BTD: variants seen among roughly 807,000 people sequenced by gnomAD.
BTD encodes biotinidase.
BTD carries 13 observed loss-of-function variants against 17.7 expected under a neutral mutation model. The ratio of observed to expected loss-of-function variants is 0.74; its 90% confidence interval spans 0.48 to 1.17. The LOEUF (loss-of-function observed/expected upper bound fraction) is 1.17. Among genes scored for constraint, BTD ranks in the 50% most tolerant of loss-of-function variants. BTD has a pLI of 0.00. For missense variants in BTD, 674 were observed against 650.4 expected (o/e 1.04, Z -0.39); for synonymous variants, 240 against 245.2 (o/e 0.98, Z 0.20).
intron 1 of BTD, among the ~76,000 whole-genome samples, chr3:15,609,882 A>AT (rs992320090): frequency 2.1e-5 from 3 of 145,550 alleles, no homozygotes; most frequent in Non-Finnish European, 4.6e-5. Flanking sequence ...GGTCTTCCTT[A>AT]TTTTTTTTTT....
intron 3 of BTD, among the ~76,000 whole-genome samples, chr3:15,675,341 T>G (rs2066823278): frequency 6.6e-6 from 1 of 151,766 alleles, no homozygotes; most frequent in Non-Finnish European, 1.5e-5. Context: ...AGCAAGAGAG[T>G]AGTTTTGCTG....
intron 3 of BTD, among the ~76,000 whole-genome samples, chr3:15,663,728 T>A (rs2065949221): frequency 6.6e-6 from 1 of 152,172 alleles, no homozygotes; most frequent in South Asian, 2.1e-4. Flanking sequence ...TGGCTAGAGT[T>A]TTACTGATGT....
intron 1 of BTD, among the ~76,000 whole-genome samples, chr3:15,620,506 A>G (rs1268295002): frequency 6.6e-6 from 1 of 152,172 alleles, no homozygotes; most frequent in African/African-American, 2.4e-5. Context: ...CTTGTTCCAT[A>G]AAAATCGCTA....
intron 4 of BTD, chr3:15,720,971 G>C: frequency 6.2e-7 from 1 of 1,613,872 alleles, no homozygotes. Context: ...AATGCTCCAT[G>C]TGTTGATGCA....
chr3:15,682,823 T>C (rs1310300489), intron 3 of BTD, among the ~76,000 whole-genome samples: 1 of 152,238 alleles, frequency 6.6e-6, no homozygotes, highest in Non-Finnish European at 1.5e-5. Context: ...TTTTAGGCTG[T>C]CTATATAGTC....
intron 3 of BTD, among the ~76,000 whole-genome samples, chr3:15,689,247 C>T (rs1324505484): frequency 6.6e-6 from 1 of 152,166 alleles, no homozygotes; most frequent in East Asian, 1.9e-4. Context: ...AGAGATAAGT[C>T]CAGGCTGTAG....
chr3:15,689,506 A>G (rs1054603996), intron 3 of BTD, among the ~76,000 whole-genome samples: 1 of 152,260 alleles, frequency 6.6e-6, no homozygotes, highest in African/African-American at 2.4e-5. Flanking sequence ...GAGAGGCCAC[A>G]GGAGGAAGGG....
intron 1 of BTD, among the ~76,000 whole-genome samples, chr3:15,617,354 A>G (rs1050396126): frequency 3.9e-5 from 6 of 152,234 alleles, no homozygotes; most frequent in Admixed American, 2.6e-4. Flanking sequence ...GTCCAACACA[A>G]GATCATCTAG....
rs556575843 is a variant in BTD at position 15,649,670 on chromosome 3, C to T, written c.*4182C>T. ...TGCTGAGCACAGTCTGGCCCCTGTACTGTTGTCTGCTTGAAATGGCGTCTT... is the reference window on the plus strand; with the variant it reads ...TGCTGAGCACAGTCTGGCCCCTGTATTGTTGTCTGCTTGAAATGGCGTCTT... On this transcript the variant is annotated 3_prime_UTR_variant, in exon 4 of 4. Coordinates refer to ENST00000643237, the MANE Select transcript of BTD (RefSeq NM_001370658.1). Among the ~76,000 whole-genome samples the T allele has an allele frequency of 1.3e-5, 2 of 151,614 alleles. No homozygotes were observed. The highest frequency in any genetic ancestry group is 3.9e-4 in the East Asian group (2 of 5,190).
At chr3:15,634,775 A>G (rs1305566877) in intron 1 of BTD, among the ~76,000 whole-genome samples, 1 of 152,222 alleles carries the variant, frequency 6.6e-6, no homozygotes, top group Non-Finnish European at 1.5e-5. Context: ...ACATGCTTTT[A>G]TTGGGATACT....
At chr3:15,663,743 A>G (rs1575042693) in intron 3 of BTD, among the ~76,000 whole-genome samples, 1 of 151,468 alleles carries the variant, frequency 6.6e-6, no homozygotes, top group Middle Eastern at 3.4e-3. Flanking sequence ...TGATGTTATT[A>G]ATCTTTAAAA....
chr3:15,653,141 G>C lies in BTD; in HGVS notation c.*7653G>C, dbSNP rs1559605734. The stretch of plus-strand genomic sequence containing the variant: ...CCAGGCAGCAGCACCAGTAGCACCT[G>C]GGAAATTGTTGGAAATGCAAATTCT... On this transcript the variant is annotated 3_prime_UTR_variant, in exon 4 of 4. Transcript: ENST00000643237. Among the ~76,000 whole-genome samples the C allele has an allele frequency of 1.3e-5, 2 of 152,198 alleles. No homozygotes were observed. The highest frequency in any genetic ancestry group is 4.8e-5 in the African/African-American group (2 of 41,446).
At chr3:15,685,075 A>G (rs1575136740) in intron 3 of BTD, 3 of 701,250 alleles carry the variant, frequency 4.3e-6, no homozygotes, top group East Asian at 5.4e-5. Flanking sequence ...GAGTGAGCCT[A>G]CGTACTAAGT....
intron 1 of BTD, among the ~76,000 whole-genome samples, chr3:15,632,106 G>A (rs1350313841): frequency 2.6e-5 from 4 of 152,006 alleles, no homozygotes; most frequent in Admixed American, 6.6e-5. Flanking sequence ...GCAGACCCAC[G>A]TGATTTCCTC....
chr3:15,661,565 C>CT (rs2065925718), intron 3 of BTD, among the ~76,000 whole-genome samples: 1 of 152,078 alleles, frequency 6.6e-6, no homozygotes, highest in Non-Finnish European at 1.5e-5. Flanking sequence ...CTTTATCCGT[C>CT]TTTTGCAATT....
chr3:15,631,330 G>T (rs1222854749), intron 1 of BTD: 5 of 810,306 alleles, frequency 6.2e-6, no homozygotes, highest in East Asian at 2.8e-5. Context: ...TTATTAAAAA[G>T]ATGTTTTATT....
At chr3:15,619,106 A>T (rs532568389) in intron 1 of BTD, among the ~76,000 whole-genome samples, 1 of 152,298 alleles carries the variant, frequency 6.6e-6, no homozygotes, top group East Asian at 1.9e-4. Context: ...GTGAGAAGGG[A>T]CATCATTACC....
At chr3:15,638,759 G>A (rs532047845) in intron 2 of BTD, among the ~76,000 whole-genome samples, 48 of 152,256 alleles carry the variant, frequency 3.2e-4, no homozygotes, top group Admixed American at 1.4e-3. Flanking sequence ...TACATGGTAC[G>A]GCCTACTATG....
rs565011248 is a variant in BTD, at chr3:15,645,598, C to G, written c.*110C>G. On this transcript the variant is annotated 3_prime_UTR_variant, in exon 4 of 4. Transcript: ENST00000643237. ...TTTCTGCCTTAAGGGCAGGAGCCCA[C>G]TTCTGTGGCACCAGATTCCACCCTG... The G allele has an allele frequency of 3.6e-5, 46 of 1,277,668 alleles. No individual in the cohort carries two copies. In the African/African-American group the frequency reaches 4.0e-4, roughly 11 times the overall value. The allele number at this position is 1,277,668 out of a possible 1,614,324, so 79.1% of individuals were successfully genotyped here.
Sources: gnomAD v4.1 joint callset for allele counts (sites outside exome capture counted in the v4.1 genomes callset) on GRCh38, gnomAD v4.1.1 for gene constraint, MANE v1.5 for transcripts, NCBI Gene and HGNC (gene_info 2026-07-23, HGNC 2026-07-21) for gene names.